Variants in RPS6KC1 observed in about 807,000 individuals in gnomAD.
The protein encoded by RPS6KC1 is inactive ribosomal protein S6 kinase delta-1.
A neutral mutation model predicts 103.8 loss-of-function variants in RPS6KC1; 54 were observed. The observed-to-expected ratio is 0.52, with a 90% CI of 0.42 to 0.65. The LOEUF (loss-of-function observed/expected upper bound fraction) is 0.65, where lower values mean the gene tolerates loss of function less well. Ranked by LOEUF, RPS6KC1 falls within the 30% of genes least tolerant of loss-of-function variation. RPS6KC1 has a pLI of 0.00. For missense variants in RPS6KC1, 1,151 were observed against 1,253.8 expected (o/e 0.92, Z 1.24); for synonymous variants, 439 against 438.7 (o/e 1.00, Z -0.01).
chr1:213,652,264 T>A, the RPS6KC1 span, among the ~76,000 whole-genome samples: 2 of 152,212 alleles, frequency 1.3e-5, no homozygotes, highest in Non-Finnish European at 2.9e-5. Context: ...GGGCTTTACA[T>A]ATGTTAACTT....
At chr1:213,066,555 A>G (rs1338312097) in intron 1 of RPS6KC1, among the ~76,000 whole-genome samples, 1 of 152,210 alleles carries the variant, frequency 6.6e-6, no homozygotes, top group Non-Finnish European at 1.5e-5. Flanking sequence ...GTTGTTACCA[A>G]AACACCAGGG....
chr1:213,549,599 T>A, the RPS6KC1 span, among the ~76,000 whole-genome samples: 4 of 142,250 alleles, frequency 2.8e-5, no homozygotes, highest in African/African-American at 1.0e-4. Context: ...TTCTTCTTCT[T>A]CTTTTTCTTT....
At chr1:213,636,582 A>T in the RPS6KC1 span, among the ~76,000 whole-genome samples, 2 of 152,194 alleles carry the variant, frequency 1.3e-5, no homozygotes, top group Non-Finnish European at 2.9e-5. Context: ...CTGAAACTGG[A>T]TCCCTTCCTT....
the RPS6KC1 span, among the ~76,000 whole-genome samples, chr1:213,725,518 G>C: frequency 4.7e-4 from 71 of 152,324 alleles, no homozygotes; most frequent in African/African-American, 1.6e-3. Flanking sequence ...TCAGTGTCCT[G>C]TGGCGTGGCC....
chr1:213,498,654 C>T, the RPS6KC1 span, among the ~76,000 whole-genome samples: 2 of 152,052 alleles, frequency 1.3e-5, no homozygotes, highest in Admixed American at 6.5e-5. Flanking sequence ...CAGGGTTTCA[C>T]CATGTTGGTC....
chr1:213,219,197 A>G (rs984727880), intron 8 of RPS6KC1, among the ~76,000 whole-genome samples: 2 of 152,246 alleles, frequency 1.3e-5, no homozygotes, highest in African/African-American at 4.8e-5. Flanking sequence ...AAGTGGGTGA[A>G]GGATATGAAC....
the RPS6KC1 span, among the ~76,000 whole-genome samples, chr1:213,717,592 C>G: frequency 3.3e-5 from 5 of 152,242 alleles, no homozygotes; most frequent in African/African-American, 2.4e-5. Context: ...AATGGTCAAG[C>G]AAAGGAGTTT....
Position 213,242,232 on chromosome 1 carries a change from C to A in RPS6KC1, c.2756C>A (p.Ala919Asp). The A allele has an allele frequency of 6.2e-7, 1 of 1,613,918 alleles. No homozygotes were observed. The highest frequency in any genetic ancestry group is 8.5e-7 in the Non-Finnish European group (1 of 1,179,864). Residue 919 changes from alanine to aspartate, a missense_variant, in exon 11 of 15, where the codon GCT (alanine) becomes GAT (aspartate). Around this residue, in one of 3 missense-constraint regions of RPS6KC1, gnomAD observed 189 missense variants for 228.8 expected, o/e 0.83. Coordinates refer to ENST00000366960, the MANE Select transcript of RPS6KC1 (RefSeq NM_012424.6). ...WAAEMVVALD[A>D]LHREGIVCRD... ...GCTGAAATGGTGGTAGCCCTTGATG[C>A]TTTACATAGAGAGGGAATTGTGTGC... is the stretch of plus-strand genomic sequence containing the variant.
chr1:213,453,866 C>T, the RPS6KC1 span, among the ~76,000 whole-genome samples: 1 of 152,052 alleles, frequency 6.6e-6, no homozygotes. Context: ...TGTGGCAGGT[C>T]CGCTTATACA....
the RPS6KC1 span, among the ~76,000 whole-genome samples, chr1:213,608,890 C>G: frequency 6.6e-6 from 1 of 152,054 alleles, no homozygotes; most frequent in East Asian, 1.9e-4. Flanking sequence ...CATAGATGTA[C>G]CATTCATTTG....
intron 3 of RPS6KC1, among the ~76,000 whole-genome samples, chr1:213,091,041 A>G (rs1572461006): frequency 1.3e-5 from 2 of 151,936 alleles, no homozygotes; most frequent in East Asian, 3.9e-4. Flanking sequence ...CACAAAGATA[A>G]TGCAGTTGAA....
intron 6 of RPS6KC1, among the ~76,000 whole-genome samples, chr1:213,158,069 A>G (rs1173333831): frequency 6.6e-6 from 1 of 152,068 alleles, no homozygotes; most frequent in African/African-American, 2.4e-5. Context: ...TATATCTTCT[A>G]TAGACAGGAT....
At chr1:213,779,543 T>C in the RPS6KC1 span, among the ~76,000 whole-genome samples, 2 of 152,230 alleles carry the variant, frequency 1.3e-5, no homozygotes, top group Admixed American at 6.5e-5. Context: ...ACTTTGTGTC[T>C]TTGTTGTCTG....
At chr1:213,747,202 A>C in the RPS6KC1 span, among the ~76,000 whole-genome samples, 2 of 152,202 alleles carry the variant, frequency 1.3e-5, no homozygotes, top group South Asian at 4.2e-4. Context: ...GTGAAGTAGG[A>C]GTTTGTAGAG....
intron 8 of RPS6KC1, among the ~76,000 whole-genome samples, chr1:213,226,222 CAA>C (rs11442353): frequency 8.6e-5 from 11 of 127,450 alleles, no homozygotes; most frequent in African/African-American, 9.8e-5. Context: ...GACTCTGTCT[CAA>C]AAAAAAAAAA....
chr1:213,278,534 C>T (rs2095116651), downstream of RPS6KC1, among the ~76,000 whole-genome samples: 1 of 152,170 alleles, frequency 6.6e-6, no homozygotes, highest in African/African-American at 2.4e-5. Context: ...CAAAAGGATT[C>T]TAAATGACTA....
At chr1:213,537,821 GT>G in the RPS6KC1 span, among the ~76,000 whole-genome samples, 1 of 152,176 alleles carries the variant, frequency 6.6e-6, no homozygotes, top group Non-Finnish European at 1.5e-5. Flanking sequence ...TGCTTGAGAT[GT>G]TTAGATTATT....
At chr1:213,758,531 C>A in the RPS6KC1 span, among the ~76,000 whole-genome samples, 11 of 151,466 alleles carry the variant, frequency 7.3e-5, no homozygotes, top group Admixed American at 5.9e-4. Context: ...TAAGCCGAGA[C>A]CACACCACTA....
At chr1:213,440,593 T>A in the RPS6KC1 span, among the ~76,000 whole-genome samples, 248 of 100,120 alleles carry the variant, frequency 2.5e-3, no homozygotes, top group Middle Eastern at 0.011. Flanking sequence ...TTAATGGAAC[T>A]AAAAAAAAAA....
Sources: allele counts gnomAD v4.1 joint callset (sites outside exome capture counted in the v4.1 genomes callset), GRCh38; gene constraint gnomAD v4.1.1; regional missense constraint gnomAD v4.1.1; transcripts MANE v1.5; gene names NCBI Gene and HGNC (gene_info 2026-07-23, HGNC 2026-07-21).